The following ADARB2 variants were observed in gnomAD, a reference collection of about 807,000 sequenced individuals.
ADARB2 encodes the protein adenosine deaminase RNA specific B2 (inactive), also known as inactive double-stranded RNA-specific editase B2.
In ADARB2, 25 loss-of-function variants were observed where a neutral mutation model predicts 62.2. The observed-to-expected ratio is 0.40, with a 90% CI of 0.29 to 0.56. The LOEUF is 0.56. Ranked by LOEUF, ADARB2 falls within the 20% of genes least tolerant of loss-of-function variation. The pLI is 0.43. For synonymous variants in ADARB2, 572 were observed against 500.8 expected, an observed-to-expected ratio of 1.14 and a Z score of -1.90; for missense variants, 1,071 against 1,077.4, an observed-to-expected ratio of 0.99 and a Z score of 0.08.
intron 1 of ADARB2, among the ~76,000 whole-genome samples, chr10:1,575,109 T>C (rs1186887225): frequency 3.2e-5 from 1 of 30,910 alleles, no homozygotes; most frequent in Non-Finnish European, 7.8e-5. Context: ...TGTGGGTGAA[T>C]TAAGATTATT....
intron 6 of ADARB2, among the ~76,000 whole-genome samples, chr10:1,218,472 T>C (rs1413876308): frequency 6.6e-6 from 1 of 152,232 alleles, no homozygotes; most frequent in Non-Finnish European, 1.5e-5. Flanking sequence ...ATAACGTAAG[T>C]GAATATTAAA....
intron 2 of ADARB2, among the ~76,000 whole-genome samples, chr10:1,367,798 G>GAGTAT (rs1214617422): frequency 6.6e-6 from 1 of 152,220 alleles, no homozygotes; most frequent in Non-Finnish European, 1.5e-5. Flanking sequence ...GACCTTTGCT[G>GAGTAT]GATCTCAGAT....
In ADARB2 at chr10:1,576,806, G is replaced by A. The variant is rs114761293; in HGVS notation, c.100+160245C>T. 5.1e-3 allele frequency among the ~76,000 whole-genome samples: 769 copies of A among 152,006 alleles called. 3 individuals carry two copies. Among genetic ancestry groups the A allele is most frequent in the African/African-American group, 0.018 (739 of 41,374 alleles). On this transcript the variant is annotated intron_variant, in intron 1 of 9. Transcript: ENST00000381312. ...AATGGCTGCAAAACACATTGAAGGT[G>A]GAGGATGAGGAGGGGCGTGTGGACT...
intron 3 of ADARB2, among the ~76,000 whole-genome samples, chr10:1,280,628 T>C (rs1450532793): frequency 5.9e-5 from 9 of 152,056 alleles, no homozygotes; most frequent in Non-Finnish European, 7.4e-5. Flanking sequence ...TCCTGAGTGA[T>C]GCTCCGTGAA....
chr10:1,692,773 G>A (rs1400008874), intron 1 of ADARB2, among the ~76,000 whole-genome samples: 1 of 152,140 alleles, frequency 6.6e-6, no homozygotes, highest in African/African-American at 2.4e-5. Flanking sequence ...TAACAAAACA[G>A]TGGACTGTCA....
intron 1 of ADARB2, among the ~76,000 whole-genome samples, chr10:1,515,982 G>A (rs1320961833): frequency 6.6e-6 from 1 of 152,182 alleles, no homozygotes; most frequent in African/African-American, 2.4e-5. Context: ...CCACGGCTGG[G>A]CTTTGCCTCC....
chr10:1,458,302 T>C (rs1330954885), intron 1 of ADARB2, among the ~76,000 whole-genome samples: 1 of 152,120 alleles, frequency 6.6e-6, no homozygotes. Context: ...TTGCTGTCAA[T>C]CTCCTGGCCC....
At chr10:1,401,325 C>A (rs145034137) in intron 1 of ADARB2, among the ~76,000 whole-genome samples, 9 of 152,296 alleles carry the variant, frequency 5.9e-5, no homozygotes, top group African/African-American at 1.9e-4. Context: ...CAGAGCCCTG[C>A]GGGGACCAGG....
In ADARB2 at chr10:1,180,666, C is replaced by CCCCTCTG. The variant is rs144363283; in HGVS notation, c.*2520_*2526dup. 0.59 allele frequency: 89,238 copies of CCCCTCTG among 151,780 alleles called. 27,369 individuals carry two copies. Among genetic ancestry groups the CCCCTCTG allele is most frequent in the Middle Eastern group, 0.76 (226 of 296 alleles). The allele number at this position is 151,780 out of a possible 1,614,324, so 9.4% of individuals were successfully genotyped here. ...GGACCCTCCTTTCCTTACGTGGGGT[C>CCCCTCTG]CCCTCTGCAGCCCACATCCCCTCTG... On this transcript the variant is annotated 3_prime_UTR_variant, in exon 10 of 10. Coordinates refer to ENST00000381312, the MANE Select transcript of ADARB2 (RefSeq NM_018702.4).
intron 1 of ADARB2, among the ~76,000 whole-genome samples, chr10:1,571,941 G>A (rs954960782): frequency 2.1e-5 from 3 of 142,600 alleles, no homozygotes; most frequent in Admixed American, 1.4e-4. Flanking sequence ...GCTGGTGAGC[G>A]GACAGGTGAG....
chr10:1,319,244 C>T (rs942721979), intron 3 of ADARB2, among the ~76,000 whole-genome samples: 10 of 152,068 alleles, frequency 6.6e-5, no homozygotes, highest in African/African-American at 1.9e-4. Flanking sequence ...GTTTCTAGGC[C>T]GACTGTCACA....
chr10:1,624,142 G>GCTTTGAA (rs1341976172), intron 1 of ADARB2, among the ~76,000 whole-genome samples: 1 of 152,102 alleles, frequency 6.6e-6, no homozygotes, highest in Non-Finnish European at 1.5e-5. Context: ...GCTGAGGTGG[G>GCTTTGAA]GGTATCACCT....
At chr10:1,275,020 C>T (rs1037255116) in intron 3 of ADARB2, among the ~76,000 whole-genome samples, 11 of 152,344 alleles carry the variant, frequency 7.2e-5, no homozygotes, top group South Asian at 2.1e-4. Flanking sequence ...ACCCACTCTC[C>T]GCACCCTGCA....
chr10:1,262,568 A>G (rs1831152393), intron 4 of ADARB2, among the ~76,000 whole-genome samples: 1 of 152,236 alleles, frequency 6.6e-6, no homozygotes, highest in Admixed American at 6.5e-5. Context: ...AGAAATACAA[A>G]TCAAAACCAC....
chr10:1,206,981 G>A (rs2131746405), intron 7 of ADARB2, among the ~76,000 whole-genome samples: 1 of 152,354 alleles, frequency 6.6e-6, no homozygotes, highest in East Asian at 1.9e-4. Context: ...GCTGCTGATT[G>A]TTTCATTATT....
chr10:1,314,436 C>T (rs1831719014), intron 3 of ADARB2, among the ~76,000 whole-genome samples: 1 of 143,528 alleles, frequency 7.0e-6, no homozygotes, highest in African/African-American at 2.8e-5. Context: ...GCCCCTGCAG[C>T]CAGTCCTTCC....
chr10:1,697,738 G>A (rs907258574), intron 1 of ADARB2, among the ~76,000 whole-genome samples: 2 of 152,156 alleles, frequency 1.3e-5, no homozygotes, highest in Admixed American at 6.5e-5. Flanking sequence ...GGAAAAGCCC[G>A]GAACCAGTTG....
intron 1 of ADARB2, among the ~76,000 whole-genome samples, chr10:1,663,287 T>C (rs1172756711): frequency 6.6e-6 from 1 of 152,184 alleles, no homozygotes; most frequent in Non-Finnish European, 1.5e-5. Flanking sequence ...GAAGCAGTAT[T>C]GATGCATTAT....
At chr10:1,633,874 A>G (rs1833880695) in intron 1 of ADARB2, among the ~76,000 whole-genome samples, 1 of 152,138 alleles carries the variant, frequency 6.6e-6, no homozygotes, top group Non-Finnish European at 1.5e-5. Flanking sequence ...AGCAGCCTGA[A>G]GCCCGAGGGA....
Sources: allele counts gnomAD v4.1 joint callset (sites outside exome capture counted in the v4.1 genomes callset), GRCh38; gene constraint gnomAD v4.1.1; transcripts MANE v1.5; gene names NCBI Gene and HGNC (gene_info 2026-07-23, HGNC 2026-07-21).